The following GOLGB1 variants were observed in gnomAD, a reference collection of about 807,000 sequenced individuals.
GOLGB1 encodes the protein golgin subfamily B member 1.
GOLGB1 carries 174 observed loss-of-function variants against 336.9 expected under a neutral mutation model. That is an observed-to-expected ratio of 0.52 (90% confidence interval 0.46 to 0.59). The LOEUF (loss-of-function observed/expected upper bound fraction) is 0.59, where lower values mean the gene tolerates loss of function less well. Among genes scored for constraint, GOLGB1 ranks in the 20% least tolerant of loss-of-function variants. GOLGB1 has a pLI of 0.00. For missense variants in GOLGB1, 3,331 were observed against 3,645.3 expected (o/e 0.91, Z 2.22); for synonymous variants, 1,208 against 1,289.2 (o/e 0.94, Z 1.35).
intron 1 of GOLGB1, among the ~76,000 whole-genome samples, chr3:121,734,252 T>C (rs1946326839): frequency 6.6e-6 from 1 of 152,006 alleles, no homozygotes; most frequent in South Asian, 2.1e-4. Flanking sequence ...AAGCTGGGCA[T>C]GATGGCGCAT....
intron 11 of GOLGB1, among the ~76,000 whole-genome samples, 189 bp downstream of exon 11, chr3:121,702,286 GTTATAC>G (rs1174028296): frequency 2.0e-5 from 3 of 152,122 alleles, no homozygotes; most frequent in Non-Finnish European, 4.4e-5. Context: ...ATTGCAAAAT[GTTATAC>G]TTATGTAAAC....
intron 10 of GOLGB1, among the ~76,000 whole-genome samples, chr3:121,705,664 G>A (rs1480779686): frequency 6.6e-6 from 1 of 152,164 alleles, no homozygotes; most frequent in Admixed American, 6.5e-5. Context: ...GTCACGTAAA[G>A]AGAAAACCCT....
chr3:121,744,441 CAAAAAAAAAA>C (rs11290154), intron 1 of GOLGB1, among the ~76,000 whole-genome samples: 1 of 73,096 alleles, frequency 1.4e-5, no homozygotes, highest in African/African-American at 5.3e-5. Context: ...ACTGTCTCTA[CAAAAAAAAAA>C]AAAAAAAAAA....
At chr3:121,669,822 G>A (rs62268733) in intron 17 of GOLGB1, among the ~76,000 whole-genome samples, 2 of 152,156 alleles carry the variant, frequency 1.3e-5, no homozygotes, top group East Asian at 3.8e-4. Flanking sequence ...ATGCCATAAA[G>A]AGTTATAAGT....
intron 14 of GOLGB1, among the ~76,000 whole-genome samples, chr3:121,687,863 C>G (rs1265327129): frequency 3.3e-5 from 5 of 152,148 alleles, no homozygotes. Flanking sequence ...ATGAATAGAA[C>G]CTTTTGCATT....
chr3:121,726,131 A>C (rs562481720), intron 5 of GOLGB1, among the ~76,000 whole-genome samples: 1 of 151,926 alleles, frequency 6.6e-6, no homozygotes, highest in Non-Finnish European at 1.5e-5. Flanking sequence ...AAAGTTTTTA[A>C]AAATTAAGAA....
At chr3:121,675,325 A>T (rs1940213086) in intron 17 of GOLGB1, among the ~76,000 whole-genome samples, 1 of 152,200 alleles carries the variant, frequency 6.6e-6, no homozygotes, top group Non-Finnish European at 1.5e-5. Flanking sequence ...TTTTCCAAAG[A>T]CAGACATATT....
intron 18 of GOLGB1, among the ~76,000 whole-genome samples, chr3:121,668,672 C>CAAAAAAAAAAA (rs138891151): frequency 3.0e-5 from 2 of 66,632 alleles, no homozygotes; most frequent in South Asian, 9.0e-4. Context: ...GACTCCGTCT[C>CAAAAAAAAAAA]AAAAAAAAAA....
chr3:121,665,011 T>C lies in GOLGB1; in HGVS notation c.9575A>G (p.Asp3192Gly). Residue 3192 changes from aspartate to glycine, a missense_variant, in exon 21 of 22, where the codon GAC becomes GGC. By Grantham distance (94) the Asp-to-Gly change is moderately conservative. Coordinates refer to ENST00000614479, the MANE Select transcript of GOLGB1 (RefSeq NM_001366282.2). ...QIRRLEHSEW[D>G]SSRTPIIGSC... ...GCCAATGATAGGAGTCCGGGAAGAGTCCCATTCACTGTGCTCTAACCTGAG... is the reference window on the plus strand; with the variant it reads ...GCCAATGATAGGAGTCCGGGAAGAGCCCCATTCACTGTGCTCTAACCTGAG... 1 of 1,605,424 alleles carries C rather than the reference T, an allele frequency of 6.2e-7. No homozygotes were observed. Among genetic ancestry groups the C allele is most frequent in the African/African-American group, 1.3e-5 (1 of 74,546 alleles).
At chr3:121,727,245 C>T (rs1475776255) in intron 4 of GOLGB1, among the ~76,000 whole-genome samples, 2 of 136,674 alleles carry the variant, frequency 1.5e-5, no homozygotes, top group Non-Finnish European at 3.1e-5. Context: ...TTAGACCTAC[C>T]CTCCCTCACA....
At chr3:121,674,049 A>T (rs1012259003) in intron 17 of GOLGB1, among the ~76,000 whole-genome samples, 2 of 152,060 alleles carry the variant, frequency 1.3e-5, no homozygotes, top group Admixed American at 1.3e-4. Context: ...TCTTTTCCAG[A>T]TTGTTTGCTG....
chr3:121,678,835 A>G (rs1940729263), intron 15 of GOLGB1, among the ~76,000 whole-genome samples: 1 of 152,178 alleles, frequency 6.6e-6, no homozygotes, highest in Non-Finnish European at 1.5e-5. Flanking sequence ...TACAGGTGTG[A>G]GCCACCGCAC....
chr3:121,688,612 T>C (rs1357041741), intron 14 of GOLGB1, among the ~76,000 whole-genome samples: 1 of 152,114 alleles, frequency 6.6e-6, no homozygotes, highest in African/African-American at 2.4e-5. Flanking sequence ...CGCCACCCCG[T>C]CTGGGAAGTG....
intron 11 of GOLGB1, among the ~76,000 whole-genome samples, chr3:121,701,188 AC>A: frequency 6.6e-6 from 1 of 152,240 alleles, no homozygotes; most frequent in Admixed American, 6.5e-5. Context: ...AATACAGAAA[AC>A]CTTAAGGTCA....
chr3:121,682,189 G>A (rs779789645), intron 14 of GOLGB1, among the ~76,000 whole-genome samples: 39 of 152,218 alleles, frequency 2.6e-4, no homozygotes, highest in Non-Finnish European at 4.4e-5. Flanking sequence ...GAGACCTAGA[G>A]CTTCACTGTG....
At chr3:121,730,386 A>ATTTTTGCTTTCCTTT (rs1946000666) in intron 2 of GOLGB1, among the ~76,000 whole-genome samples, 1 of 152,186 alleles carries the variant, frequency 6.6e-6, no homozygotes. Context: ...GAAAACTAAG[A>ATTTTTGCTTTCCTTT]AGTTTTATTA....
At position 121,678,571 on chromosome 3, in the gene GOLGB1, A is replaced by ATT. The variant is rs113459060; in HGVS notation, c.8874-1123_8874-1122dup. Among the ~76,000 whole-genome samples the ATT allele has an allele frequency of 1.4e-3, 205 of 146,352 alleles. 2 individuals are homozygous for ATT. Among genetic ancestry groups the ATT allele is most frequent in the Middle Eastern group, 0.011 (3 of 282 alleles). On this transcript the variant is annotated intron_variant, in intron 15 of 21. Transcript: ENST00000614479. ...ATATCAAATCTTGAAAGCTTTTTGA[A>ATT]TTTTTTTTTTTTTTGAAACAGGGTC...
intron 17 of GOLGB1, among the ~76,000 whole-genome samples, chr3:121,673,703 C>T (rs1347674151): frequency 6.6e-6 from 1 of 151,564 alleles, no homozygotes; most frequent in Non-Finnish European, 1.5e-5. Context: ...ATCTATCTAT[C>T]TATCTATCTA....
At chr3:121,669,832 T>C (rs1939233503) in intron 17 of GOLGB1, among the ~76,000 whole-genome samples, 1 of 152,174 alleles carries the variant, frequency 6.6e-6, no homozygotes, top group Non-Finnish European at 1.5e-5. Context: ...GAGTTATAAG[T>C]TACTGAGAGA....
Sources: allele counts gnomAD v4.1 joint callset (sites outside exome capture counted in the v4.1 genomes callset), GRCh38; gene constraint gnomAD v4.1.1; transcripts MANE v1.5; gene names NCBI Gene and HGNC (gene_info 2026-07-23, HGNC 2026-07-21).